Variants in TMX3 observed in about 807,000 individuals in gnomAD.
The protein encoded by TMX3 is thioredoxin related transmembrane protein 3.
In TMX3, 40 loss-of-function variants were observed where a neutral mutation model predicts 64.4. The ratio of observed to expected loss-of-function variants is 0.62; its 90% CI spans 0.48 to 0.81. The LOEUF (loss-of-function observed/expected upper bound fraction) is 0.81, where lower values mean the gene tolerates loss of function less well. Among genes scored for constraint, TMX3 ranks in the 30% least tolerant of loss-of-function variants. The pLI is 0.00. For synonymous variants in TMX3, 189 were observed against 175.7 expected, an observed-to-expected ratio of 1.08 and a Z score of -0.60; for missense variants, 497 against 534.5, an observed-to-expected ratio of 0.93 and a Z score of 0.69.
intron 10 of TMX3, chr18:68,687,061 A>G: frequency 1.0e-6 from 1 of 981,132 alleles, no homozygotes; most frequent in Non-Finnish European, 1.2e-6. Flanking sequence ...TAAAGCTATT[A>G]ATGGAAACAA....
At chr18:68,697,828 C>T (rs1780453316) in intron 7 of TMX3, 104 bp downstream of exon 7, 6 of 635,670 alleles carry the variant, frequency 9.4e-6, no homozygotes, top group Admixed American at 3.1e-5. Context: ...AAAATATTTC[C>T]AGTAAGTGCA....
Position 68,700,320 on chromosome 18 carries a change from T to C in TMX3, c.392+85A>G, listed in dbSNP as rs2029910148. On this transcript the variant is annotated intron_variant, in intron 6 of 15. Transcript: ENST00000299608. The stretch of plus-strand genomic sequence containing the variant: ...ATTTTACCTAGGTATGTCCTTAAAA[T>C]ATGTTTGTTCAATACAGTCTATTAA... 5.3e-6 allele frequency: 5 copies of C among 942,070 alleles called. No homozygotes were observed. The South Asian group carries it at 1.0e-4, about 19-fold the overall frequency. The allele number at this position is 942,070 out of a possible 1,614,324, so 58.4% of individuals were successfully genotyped here.
intron 5 of TMX3, chr18:68,701,069 CA>C: frequency 1.1e-6 from 1 of 949,848 alleles, no homozygotes; most frequent in Non-Finnish European, 1.3e-6. Flanking sequence ...TACAATTAAA[CA>C]GAAGGAAACG....
intron 9 of TMX3, among the ~76,000 whole-genome samples, chr18:68,690,625 C>T (rs1027409992): frequency 4.6e-5 from 7 of 152,160 alleles, no homozygotes; most frequent in African/African-American, 1.4e-4. Flanking sequence ...TAAAGAGATG[C>T]GTAATATAAA....
intron 4 of TMX3, among the ~76,000 whole-genome samples, chr18:68,704,346 T>C (rs903254472): frequency 6.6e-6 from 1 of 152,172 alleles, no homozygotes; most frequent in Admixed American, 6.6e-5. Flanking sequence ...CTAGTGGCAA[T>C]TCAGATTAAG....
intron 3 of TMX3, 41 bp from the exon 4 acceptor site, chr18:68,710,185 C>T: frequency 1.4e-6 from 2 of 1,468,500 alleles, no homozygotes; most frequent in Admixed American, 2.5e-5. Context: ...AAAAGATAAC[C>T]ATTAAAATGT....
intron 1 of TMX3, 45 bp from the exon 2 acceptor site, chr18:68,713,945 G>A: frequency 7.3e-7 from 1 of 1,371,394 alleles, no homozygotes; most frequent in Non-Finnish European, 1.0e-6. Context: ...CTGATTATTT[G>A]GCTCATACCG....
At chr18:68,690,599 A>C (rs1436690775) in intron 9 of TMX3, among the ~76,000 whole-genome samples, 1 of 152,220 alleles carries the variant, frequency 6.6e-6, no homozygotes, top group East Asian at 1.9e-4. Flanking sequence ...TCTAAAAATA[A>C]AAAGTCTACA....
intron 12 of TMX3, 126 bp from the exon 13 acceptor site, chr18:68,683,107 C>T (rs541260128): frequency 2.4e-4 from 177 of 746,406 alleles, no homozygotes; most frequent in Middle Eastern, 2.6e-4. Context: ...CCTCAGTAGG[C>T]CCAGAAACTG....
chr18:68,700,804 T>C (rs959931549), intron 5 of TMX3: 1 of 985,244 alleles, frequency 1.0e-6, no homozygotes, highest in Non-Finnish European at 1.2e-6. Flanking sequence ...AGTACTATAA[T>C]TCTCATTACC....
intron 8 of TMX3, among the ~76,000 whole-genome samples, chr18:68,695,129 G>T (rs1395566427): frequency 6.6e-6 from 1 of 152,110 alleles, no homozygotes; most frequent in African/African-American, 2.4e-5. Context: ...AAACACCAAT[G>T]AGGTTTTTCT....
At chr18:68,711,544 C>G (rs1267984071) in intron 2 of TMX3, 141 bp from the exon 3 acceptor site, 1 of 490,094 alleles carries the variant, frequency 2.0e-6, no homozygotes, top group Admixed American at 4.1e-5. Flanking sequence ...AATTTTTACT[C>G]AGTGACCTAT....
chr18:68,684,159 TA>T, intron 12 of TMX3, 30 bp downstream of exon 12: 1 of 1,536,314 alleles, frequency 6.5e-7, no homozygotes, highest in Non-Finnish European at 8.9e-7. Context: ...TAAACAAAAA[TA>T]AAGGAATCTC....
chr18:68,708,294 T>C (rs2030929733), intron 4 of TMX3, among the ~76,000 whole-genome samples: 2 of 152,156 alleles, frequency 1.3e-5, no homozygotes, highest in African/African-American at 4.8e-5. Context: ...CCAGCACTAA[T>C]ATCTCACCTA....
rs373035229 is a variant in TMX3, at chr18:68,694,627, G to A, written c.570+2599C>T. 6.6e-5 allele frequency among the ~76,000 whole-genome samples: 10 copies of A among 151,284 alleles called. No homozygotes were observed. The South Asian group carries it at 1.0e-3, about 16-fold the overall frequency. On this transcript the variant is annotated intron_variant, in intron 8 of 15. Coordinates refer to ENST00000299608, the MANE Select transcript of TMX3 (RefSeq NM_019022.5). ...AGTGGGCGCAAGCAAAACCCAAGCAGAGGCGCCAGTGGCCACAGAGGTTTC... is the reference window on the plus strand; with the variant it reads ...AGTGGGCGCAAGCAAAACCCAAGCAAAGGCGCCAGTGGCCACAGAGGTTTC...
At chr18:68,713,041 G>A (rs1361230189) in intron 2 of TMX3, among the ~76,000 whole-genome samples, 1 of 151,408 alleles carries the variant, frequency 6.6e-6, no homozygotes, top group Non-Finnish European at 1.5e-5. Context: ...CAGCTCCTCA[G>A]TGTTCCATCT....
intron 10 of TMX3, among the ~76,000 whole-genome samples, chr18:68,686,401 T>G (rs1482103532): frequency 2.0e-5 from 3 of 152,178 alleles, no homozygotes; most frequent in Non-Finnish European, 2.9e-5. Context: ...CCCCTCTTCC[T>G]TTCATGTGAG....
rs1444909741 is a variant in TMX3 at position 68,677,205 on chromosome 18, G to T, written c.1105-12C>A. 5 of 1,607,470 alleles carry T rather than the reference G, an allele frequency of 3.1e-6. No individual in the cohort carries two copies. Among genetic ancestry groups the T allele is most frequent in the South Asian group, 1.1e-5 (1 of 90,036 alleles). ...CTCTTGAATATAGACTGTGGAAAGA[G>T]AATTAAAACTCAGTTCCCTTCACAT... On this transcript the variant is annotated splice_polypyrimidine_tract_variant and intron_variant, in intron 15 of 15. Transcript: ENST00000299608.
rs1912705399 is a variant in TMX3 at position 68,673,709 on chromosome 18, AT to A, written c.*3223del. On this transcript the variant is annotated 3_prime_UTR_variant, in exon 16 of 16. Coordinates refer to ENST00000299608, the MANE Select transcript of TMX3 (RefSeq NM_019022.5). ...ACAATTGCAGGTTTTCAATTACTTT[AT>A]TTTAGAAAAACAAAGGTTTACAATT... 1 of 152,144 alleles carries A rather than the reference AT, an allele frequency of 6.6e-6. No individual in the cohort carries two copies. Among genetic ancestry groups the A allele is most frequent in the African/African-American group, 2.4e-5 (1 of 41,414 alleles). 9.4% of individuals were successfully genotyped at this position (152,144 alleles called of 1,614,324 possible).
Sources: allele counts gnomAD v4.1 joint callset (sites outside exome capture counted in the v4.1 genomes callset), GRCh38; gene constraint gnomAD v4.1.1; transcripts MANE v1.5; gene names NCBI Gene and HGNC (gene_info 2026-07-23, HGNC 2026-07-21).